The following SLIT3 variants were observed in gnomAD, a reference collection of about 807,000 sequenced individuals.
SLIT3 encodes the protein slit guidance ligand 3.
SLIT3 carries 68 observed loss-of-function variants against 184.0 expected under a neutral mutation model. That is an observed-to-expected ratio of 0.37 (90% confidence interval 0.30 to 0.45). The LOEUF is 0.45. SLIT3 is among the 20% of genes least tolerant of loss of function. SLIT3 has a pLI of 1.00. For synonymous variants in SLIT3, 831 were observed against 828.6 expected, an observed-to-expected ratio of 1.00 and a Z score of -0.05; for missense variants, 1,707 against 2,026.0, an observed-to-expected ratio of 0.84 and a Z score of 3.02.
At chr5:168,969,832 G>T (rs192995476) in intron 4 of SLIT3, among the ~76,000 whole-genome samples, 1 of 152,316 alleles carries the variant, frequency 6.6e-6, no homozygotes, top group African/African-American at 2.4e-5. Flanking sequence ...TTCTCATGGG[G>T]ATGGAAGATT....
intron 4 of SLIT3, among the ~76,000 whole-genome samples, chr5:169,161,651 CTTT>C (rs527835135): frequency 2.8e-5 from 4 of 140,686 alleles, no homozygotes; most frequent in East Asian, 2.1e-4. Flanking sequence ...ATAAAACAGT[CTTT>C]TTTTTTTTTT....
At chr5:168,735,470 C>A (rs1192729046) in intron 20 of SLIT3, among the ~76,000 whole-genome samples, 1 of 152,024 alleles carries the variant, frequency 6.6e-6, no homozygotes, top group Non-Finnish European at 1.5e-5. Flanking sequence ...GCTGTGTGAC[C>A]CTGGGTGAAG....
chr5:168,925,376 CT>C (rs977846249), intron 4 of SLIT3, among the ~76,000 whole-genome samples: 2 of 152,176 alleles, frequency 1.3e-5, no homozygotes, highest in African/African-American at 4.8e-5. Context: ...ACCATCTGAG[CT>C]GCCATGTGGA....
intron 4 of SLIT3, among the ~76,000 whole-genome samples, chr5:169,085,252 A>C (rs1160941951): frequency 6.6e-6 from 1 of 152,208 alleles, no homozygotes; most frequent in Non-Finnish European, 1.5e-5. Flanking sequence ...GTGGCTTATT[A>C]CACTGCTGAG....
intron 4 of SLIT3, among the ~76,000 whole-genome samples, chr5:169,148,391 C>T (rs1263593412): frequency 6.6e-6 from 1 of 152,186 alleles, no homozygotes; most frequent in East Asian, 1.9e-4. Context: ...AAAACGTCCA[C>T]ACGGGCAGAA....
chr5:169,135,696 A>G (rs1761478157), intron 4 of SLIT3, among the ~76,000 whole-genome samples: 1 of 152,202 alleles, frequency 6.6e-6, no homozygotes. Flanking sequence ...CACAAAAAAC[A>G]TCAGGAAGTC....
At chr5:168,781,546 A>C (rs1581075898) in intron 12 of SLIT3, among the ~76,000 whole-genome samples, 1 of 152,168 alleles carries the variant, frequency 6.6e-6, no homozygotes, top group Non-Finnish European at 1.5e-5. Flanking sequence ...TCATTGTCCC[A>C]CCTCGATTGG....
chr5:169,234,675 TG>T (rs1385933298), intron 3 of SLIT3, among the ~76,000 whole-genome samples: 1 of 152,160 alleles, frequency 6.6e-6, no homozygotes, highest in Non-Finnish European at 1.5e-5. Context: ...CCCAAAGTGC[TG>T]GGATTACATG....
At chr5:169,094,203 A>AT (rs1373939017) in intron 4 of SLIT3, among the ~76,000 whole-genome samples, 7 of 152,254 alleles carry the variant, frequency 4.6e-5, no homozygotes, top group Non-Finnish European at 1.0e-4. Flanking sequence ...TATTTGTAAG[A>AT]TCCCAATGAG....
intron 4 of SLIT3, among the ~76,000 whole-genome samples, chr5:168,961,809 A>T (rs1763018578): frequency 6.6e-6 from 1 of 151,990 alleles, no homozygotes; most frequent in African/African-American, 2.4e-5. Context: ...AGGAACTTTA[A>T]TGTTTATCTT....
chr5:169,189,178 G>A (rs555721011), intron 4 of SLIT3, among the ~76,000 whole-genome samples: 25 of 152,204 alleles, frequency 1.6e-4, no homozygotes, highest in Non-Finnish European at 3.1e-4. Flanking sequence ...CACATGAGTC[G>A]GATGGCACTG....
intron 9 of SLIT3, among the ~76,000 whole-genome samples, chr5:168,802,682 T>C (rs761851961): frequency 7.2e-5 from 11 of 152,200 alleles, no homozygotes; most frequent in Non-Finnish European, 1.3e-4. Context: ...GAGGGATCTT[T>C]TGTGTAGGTA....
chr5:168,791,108 T>A (rs1756348612), intron 10 of SLIT3: 1 of 152,268 alleles, frequency 6.6e-6, no homozygotes, highest in Admixed American at 6.5e-5. Context: ...CTCTGGATTA[T>A]CCTAATCTCA....
rs1755596171 is a variant in SLIT3 at position 168,772,674 on chromosome 5, C to T, written c.1459+107G>A. The T allele has an allele frequency of 2.4e-6, 3 of 1,246,714 alleles. No individual in the cohort carries two copies. In the Admixed American group the frequency reaches 5.8e-5, roughly 24 times the overall value. 77.2% of individuals were successfully genotyped at this position (1,246,714 alleles called of 1,614,324 possible). On this transcript the variant is annotated intron_variant, in intron 14 of 35. Coordinates refer to ENST00000519560, the MANE Select transcript of SLIT3 (RefSeq NM_003062.4). ...CCAATTTAATTTGCAAAGATGCTCCCCAGGAGCCATTACAGTGCTCGCTGT... is the reference window on the plus strand; with the variant it reads ...CCAATTTAATTTGCAAAGATGCTCCTCAGGAGCCATTACAGTGCTCGCTGT...
At chr5:169,005,453 G>A (rs1755884618) in intron 4 of SLIT3, among the ~76,000 whole-genome samples, 2 of 152,126 alleles carry the variant, frequency 1.3e-5, no homozygotes, top group Non-Finnish European at 2.9e-5. Context: ...CAAGGTGAAC[G>A]GTAAACATTA....
chr5:169,027,937 C>A (rs1408993803), intron 4 of SLIT3, among the ~76,000 whole-genome samples: 1 of 152,162 alleles, frequency 6.6e-6, no homozygotes, highest in African/African-American at 2.4e-5. Flanking sequence ...CCTTTACTGG[C>A]AGGAGGGAGA....
intron 9 of SLIT3, 59 bp downstream of exon 9, chr5:168,806,387 G>A (rs1318940612): frequency 1.6e-5 from 25 of 1,598,198 alleles, no homozygotes; most frequent in Non-Finnish European, 2.1e-5. Context: ...TGATGGGCTG[G>A]GACAGGGAGC....
chr5:168,840,258 C>T (rs544565093), intron 6 of SLIT3, among the ~76,000 whole-genome samples: 7 of 152,198 alleles, frequency 4.6e-5, no homozygotes, highest in African/African-American at 1.4e-4. Flanking sequence ...ATCTGTGGTC[C>T]GGCATTTTTG....
intron 4 of SLIT3, among the ~76,000 whole-genome samples, chr5:168,959,765 T>A (rs1479222016): frequency 9.2e-5 from 14 of 152,126 alleles, no homozygotes; most frequent in Non-Finnish European, 2.1e-4. Flanking sequence ...AGCTTGGAGT[T>A]GCTTCTCCTT....
Sources: allele counts gnomAD v4.1 joint callset (sites outside exome capture counted in the v4.1 genomes callset), GRCh38; gene constraint gnomAD v4.1.1; transcripts MANE v1.5; gene names NCBI Gene and HGNC (gene_info 2026-07-23, HGNC 2026-07-21).